Variants in DESI1 observed in about 807,000 individuals in gnomAD.
DESI1 encodes the protein PPPDE peptidase domain containing 2.
Under a neutral mutation model 22.4 loss-of-function variants are expected in DESI1, and 17 were observed. The ratio of observed to expected loss-of-function variants is 0.76; its 90% CI spans 0.52 to 1.14. The LOEUF (loss-of-function observed/expected upper bound fraction) is 1.14, where lower values mean the gene tolerates loss of function less well. Among genes scored for constraint, DESI1 ranks in the 50% most tolerant of loss-of-function variants. The pLI is 0.00. For synonymous variants in DESI1, 92 were observed against 84.2 expected (o/e 1.09, Z -0.51); for missense variants, 177 against 208.9 (o/e 0.85, Z 0.94).
At chr22:41,612,291 C>T (rs867458137) in intron 1 of DESI1, among the ~76,000 whole-genome samples, 1 of 151,970 alleles carries the variant, frequency 6.6e-6, no homozygotes, top group Middle Eastern at 3.4e-3. Flanking sequence ...GGCGGATCAC[C>T]TGAGGTCAGG....
At chr22:41,603,960 G>A in intron 4 of DESI1, 84 bp downstream of exon 4, 1 of 1,240,086 alleles carries the variant, frequency 8.1e-7, no homozygotes, top group South Asian at 1.3e-5. Context: ...TGATAAGGAT[G>A]ATATGACATG....
intron 1 of DESI1, among the ~76,000 whole-genome samples, chr22:41,613,772 A>G (rs901406895): frequency 2.6e-5 from 4 of 152,234 alleles, no homozygotes; most frequent in Non-Finnish European, 5.9e-5. Flanking sequence ...GCTGGCAGGT[A>G]TGGATGTATC....
chr22:41,602,086 T>C (rs755860004), intron 5 of DESI1: 5 of 520,058 alleles, frequency 9.6e-6, no homozygotes, highest in Non-Finnish European at 1.2e-5. Flanking sequence ...TACTGGAGTT[T>C]GGAGATTTTC....
chr22:41,605,566 T>G (rs1404388453), intron 3 of DESI1, among the ~76,000 whole-genome samples: 1 of 152,184 alleles, frequency 6.6e-6, no homozygotes, highest in Admixed American at 6.5e-5. Flanking sequence ...AGAGAACAAT[T>G]ATCTCAGAGT....
rs377153525 is a variant in DESI1 at position 41,606,071 on chromosome 22, G to A, written c.180+1191C>T. Among the ~76,000 whole-genome samples the A allele has an allele frequency of 2.6e-5, 4 of 152,286 alleles. No individual in the cohort carries two copies. In the East Asian group the frequency reaches 5.8e-4, roughly 22 times the overall value. ...TCAGAGACCAGATCAGGTAGGTCCT[G>A]GGAGGCCATGCTGAGTTTTCTGGCT... On this transcript the variant is annotated intron_variant, in intron 3 of 5. Transcript: ENST00000263256.
intron 1 of DESI1, among the ~76,000 whole-genome samples, chr22:41,617,459 T>G (rs1444819222): frequency 6.6e-6 from 1 of 152,202 alleles, no homozygotes; most frequent in Non-Finnish European, 1.5e-5. Context: ...GGAAACAAAT[T>G]GATTTTTTAA....
chr22:41,603,243 C>T lies in DESI1; in HGVS notation c.413+16G>A. 6.2e-7 allele frequency: 1 copy of T among 1,614,046 alleles called. No individual in the cohort carries two copies. The highest frequency in any genetic ancestry group is 1.7e-4 in the Middle Eastern group (1 of 6,032). On this transcript the variant is annotated intron_variant, in intron 5 of 5. Coordinates refer to ENST00000263256, the MANE Select transcript of DESI1 (RefSeq NM_015704.3). ...AGGTTGGCCAAGGCAGGGGCAGGGACAGAGGCCACACTTACGTGGAGAGAA... is the reference window on the plus strand; with the variant it reads ...AGGTTGGCCAAGGCAGGGGCAGGGATAGAGGCCACACTTACGTGGAGAGAA...
intron 1 of DESI1, among the ~76,000 whole-genome samples, chr22:41,613,584 G>A (rs1428897537): frequency 6.6e-6 from 1 of 152,202 alleles, no homozygotes; most frequent in Non-Finnish European, 1.5e-5. Flanking sequence ...CTGTTGAGAT[G>A]AGCTGTTCTG....
At position 41,600,760 on chromosome 22, in the gene DESI1, G is replaced by T. The variant is rs1472939781; in HGVS notation, c.*337C>A. 7.7e-6 allele frequency: 2 copies of T among 261,358 alleles called. No individual in the cohort carries two copies. Among genetic ancestry groups the T allele is most frequent in the Non-Finnish European group, 1.5e-5 (2 of 132,114 alleles). 16.2% of individuals were successfully genotyped at this position (261,358 alleles called of 1,614,324 possible). ...GAGTGTTCTCTGGAAAGAGTTCTAGGTTGGGGCTCCCGCAAACTGTGACTC... is the reference window on the plus strand; with the variant it reads ...GAGTGTTCTCTGGAAAGAGTTCTAGTTTGGGGCTCCCGCAAACTGTGACTC... On this transcript the variant is annotated 3_prime_UTR_variant, in exon 6 of 6. Coordinates refer to ENST00000263256, the MANE Select transcript of DESI1 (RefSeq NM_015704.3).
intron 1 of DESI1, among the ~76,000 whole-genome samples, chr22:41,618,956 C>T (rs550693988): frequency 6.1e-4 from 93 of 151,802 alleles, no homozygotes; most frequent in African/African-American, 2.2e-3. Flanking sequence ...CCCAGCTACT[C>T]GGGAGGCTGA....
At chr22:41,607,208 A>G in intron 3 of DESI1, 54 bp downstream of exon 3, 1 of 1,488,786 alleles carries the variant, frequency 6.7e-7, no homozygotes, top group African/African-American at 1.4e-5. Context: ...CCTGGTCTAC[A>G]GGAGCCCCCA....
rs373513412 is a variant in DESI1, at chr22:41,607,291, C to T, written c.151G>A (p.Gly51Ser). 42 of 1,612,034 alleles carry T rather than the reference C, an allele frequency of 2.6e-5. No homozygotes were observed. Among genetic ancestry groups the T allele is most frequent in the Non-Finnish European group, 3.6e-5 (42 of 1,179,068 alleles). Residue 51 changes from glycine (G) to serine (S), a missense_variant, in exon 3 of 6, where the codon GGC (glycine) becomes AGC (serine). By Grantham distance (56) the Gly-to-Ser change is moderately conservative (BLOSUM62 0). Transcript: ENST00000263256. ...IVVHKDEFFF[G>S]SGGISSCPPG... ...GGGCAGCTGGAGATACCACCACTGC[C>T]GAAGAAGAACTCATCCTTGTGCACA...
At chr22:41,604,891 G>C (rs1050931937) in intron 3 of DESI1, among the ~76,000 whole-genome samples, 15 of 152,110 alleles carry the variant, frequency 9.9e-5, no homozygotes, top group African/African-American at 3.6e-4. Context: ...GCCATGTGCT[G>C]GCAGCATAGT....
intron 1 of DESI1, among the ~76,000 whole-genome samples, chr22:41,610,895 A>G (rs1009084390): frequency 1.3e-5 from 2 of 151,896 alleles, no homozygotes; most frequent in Non-Finnish European, 2.9e-5. Context: ...AAAGACCACA[A>G]GTGGATAGAG....
chr22:41,603,445 C>G (rs1240688823), intron 4 of DESI1, 64 bp from the exon 5 acceptor site: 6 of 1,607,868 alleles, frequency 3.7e-6, no homozygotes, highest in Non-Finnish European at 5.1e-6. Flanking sequence ...TGGAATAACT[C>G]AAGCTAGGCA....
intron 3 of DESI1, among the ~76,000 whole-genome samples, chr22:41,605,416 A>G (rs989699229): frequency 5.9e-5 from 9 of 152,190 alleles, no homozygotes; most frequent in African/African-American, 1.7e-4. Context: ...CAGCAGGAGA[A>G]CAAATCTGGG....
At chr22:41,602,471 G>C (rs2067454630) in intron 5 of DESI1, 1 of 985,324 alleles carries the variant, frequency 1.0e-6, no homozygotes, top group Admixed American at 6.2e-5. Context: ...TTCCTGGGAG[G>C]TGCTTCCTCA....
intron 3 of DESI1, among the ~76,000 whole-genome samples, chr22:41,605,262 A>G (rs1389588077): frequency 3.3e-5 from 5 of 152,190 alleles, no homozygotes; most frequent in African/African-American, 1.2e-4. Flanking sequence ...TCCTTGCCCT[A>G]TCACCATCAT....
intron 3 of DESI1, among the ~76,000 whole-genome samples, chr22:41,604,910 G>A (rs2067470406): frequency 6.6e-6 from 1 of 151,924 alleles, no homozygotes. Flanking sequence ...GTTAGGAGTC[G>A]GACTTCTTGT....
Sources: gnomAD v4.1 joint callset for allele counts (sites outside exome capture counted in the v4.1 genomes callset) on GRCh38, gnomAD v4.1.1 for gene constraint, MANE v1.5 for transcripts, NCBI Gene and HGNC (gene_info 2026-07-23, HGNC 2026-07-21) for gene names.